Variants in FAR2 observed in about 807,000 individuals in gnomAD.
FAR2 encodes fatty acyl-CoA reductase 2, also known as epididymis secretory protein Li 81.
FAR2 carries 19 observed loss-of-function variants against 56.0 expected under a neutral mutation model. That is an observed-to-expected ratio of 0.34 (90% CI 0.24 to 0.50). FAR2 has a LOEUF of 0.50. FAR2 is among the 20% of genes least tolerant of loss of function. The pLI is 0.98. For synonymous variants in FAR2, 219 were observed against 218.8 expected, an observed-to-expected ratio of 1.00 and a Z score of -0.01; for missense variants, 508 against 642.2, an observed-to-expected ratio of 0.79 and a Z score of 2.26.
intron 2 of FAR2, chr12:29,277,931 T>TG (rs1261909307): frequency 5.7e-5 from 6 of 104,694 alleles, no homozygotes; most frequent in African/African-American, 1.8e-4. Flanking sequence ...ATATTTTCTT[T>TG]CTTTTTTTTT....
At chr12:29,212,843 C>T (rs536782551) in intron 1 of FAR2, among the ~76,000 whole-genome samples, 384 of 152,318 alleles carry the variant, frequency 2.5e-3, no homozygotes, top group African/African-American at 8.8e-3. Flanking sequence ...AATTATCCTG[C>T]TATTAATAGC....
intron 1 of FAR2, among the ~76,000 whole-genome samples, chr12:29,257,658 A>T: frequency 6.7e-6 from 1 of 149,894 alleles, no homozygotes; most frequent in Non-Finnish European, 1.5e-5. Flanking sequence ...GGAATGAACA[A>T]CTCCAGACGC....
Position 29,311,075 on chromosome 12 carries a change from G to T in FAR2, c.816G>T (p.Val272=). ...LRAIKATPMA[V]ADVIPVDTVV... ...CCATAAAAGCTACTCCAATGGCTGT[G>T]GCAGACGTAATTCCAGTTGATACAG... is the stretch of plus-strand genomic sequence containing the variant. Residue 272 remains valine (V), a synonymous_variant, in exon 7 of 12, where the codon GTG becomes GTT. Coordinates refer to ENST00000536681, the MANE Select transcript of FAR2 (RefSeq NM_001271783.2). The T allele has an allele frequency of 6.2e-7, 1 of 1,613,664 alleles. No homozygotes were observed. The highest frequency in any genetic ancestry group is 1.1e-5 in the South Asian group (1 of 91,078).
chr12:29,243,394 C>A (rs918479544), intron 1 of FAR2, among the ~76,000 whole-genome samples: 2 of 152,140 alleles, frequency 1.3e-5, no homozygotes, highest in African/African-American at 4.8e-5. Context: ...GTTTCCTGGG[C>A]AAGTTGCTAC....
At chr12:29,319,094 G>A (rs953156103) in intron 9 of FAR2, among the ~76,000 whole-genome samples, 4 of 151,656 alleles carry the variant, frequency 2.6e-5, no homozygotes, top group South Asian at 2.1e-4. Flanking sequence ...GGGTTCAAGC[G>A]ATTCTCCTGC....
chr12:29,217,894 G>A (rs1191694910), intron 1 of FAR2, among the ~76,000 whole-genome samples: 9 of 151,942 alleles, frequency 5.9e-5, no homozygotes, highest in East Asian at 1.9e-4. Context: ...TATTGCAAAC[G>A]TGTTAAAGAA....
At chr12:29,310,883 C>G (rs1208762956) in intron 6 of FAR2, 145 bp from the exon 7 acceptor site, 4 of 643,642 alleles carry the variant, frequency 6.2e-6, no homozygotes, top group Non-Finnish European at 1.1e-5. Flanking sequence ...GGAAGTCAGA[C>G]TTAGCATAAG....
At chr12:29,232,236 G>A (rs1399717896) in intron 1 of FAR2, among the ~76,000 whole-genome samples, 1 of 152,094 alleles carries the variant, frequency 6.6e-6, no homozygotes, top group Non-Finnish European at 1.5e-5. Flanking sequence ...TGTGCATATC[G>A]TCAGCATCTA....
At chr12:29,238,585 A>C (rs1809305553) in intron 1 of FAR2, among the ~76,000 whole-genome samples, 1 of 152,132 alleles carries the variant, frequency 6.6e-6, no homozygotes, top group African/African-American at 2.4e-5. Context: ...CTGAGACAAA[A>C]TGTTTGGAAA....
intron 5 of FAR2, 177 bp downstream of exon 5, chr12:29,308,012 C>A: frequency 5.1e-6 from 3 of 591,000 alleles, no homozygotes; most frequent in Non-Finnish European, 5.7e-6. Flanking sequence ...ATTTACCCAG[C>A]ATGTGGCTCC....
rs141791049 is a variant in FAR2, at chr12:29,311,403, G to T, written c.887+257G>T. The stretch of plus-strand genomic sequence containing the variant: ...CCATAAAATTCTTGATAACCAAAAG[G>T]CTTTTCTTTCTATTCAGTAGTCTAA... On this transcript the variant is annotated intron_variant, in intron 7 of 11. Transcript: ENST00000536681. Among the ~76,000 whole-genome samples, 922 of 152,006 alleles carry T rather than the reference G, an allele frequency of 6.1e-3. 4 individuals carry two copies. The highest frequency in any genetic ancestry group is 0.027 in the Middle Eastern group (8 of 294).
At chr12:29,162,352 G>A (rs1208112797) in intron 1 of FAR2, among the ~76,000 whole-genome samples, 2 of 152,010 alleles carry the variant, frequency 1.3e-5, no homozygotes, top group South Asian at 2.1e-4. Flanking sequence ...TTTAAATCAC[G>A]GGCACACAGT....
Position 29,332,727 on chromosome 12 carries a change from G to A in FAR2, c.1385G>A (p.Arg462Lys), listed in dbSNP as rs1197407476. ...GIPKAKQRLK[R>K]LRNIHYLFNT... ...CCAAAAGCAAAGCAACGCTTAAAAAGGTAAGTATAATCAGTCAGTTAATAT... is the reference window on the plus strand; with the variant it reads ...CCAAAAGCAAAGCAACGCTTAAAAAAGTAAGTATAATCAGTCAGTTAATAT... Residue 462 changes from arginine (R) to lysine (K), a missense_variant and splice_region_variant, in exon 11 of 12, where the codon AGG becomes AAG. Coordinates refer to ENST00000536681, the MANE Select transcript of FAR2 (RefSeq NM_001271783.2). The A allele has an allele frequency of 1.9e-6, 3 of 1,612,098 alleles. No homozygotes were observed. Among genetic ancestry groups the A allele is most frequent in the Admixed American group, 3.3e-5 (2 of 59,846 alleles).
At chr12:29,329,193 TG>T (rs1331999978) in intron 10 of FAR2, among the ~76,000 whole-genome samples, 2 of 152,230 alleles carry the variant, frequency 1.3e-5, no homozygotes, top group Admixed American at 1.3e-4. Flanking sequence ...GTGTTTGAAA[TG>T]ATGATTAAGC....
chr12:29,331,297 T>C (rs536487703), intron 10 of FAR2: 24 of 151,648 alleles, frequency 1.6e-4, no homozygotes, highest in East Asian at 1.2e-3. Flanking sequence ...GAGTGCCCAA[T>C]TGGAAGGACA....
intron 1 of FAR2, among the ~76,000 whole-genome samples, chr12:29,163,253 A>C (rs1303106405): frequency 3.3e-5 from 5 of 152,230 alleles, no homozygotes; most frequent in Non-Finnish European, 7.3e-5. Context: ...TATTTGTTAA[A>C]TGGGGTTTAT....
chr12:29,234,812 A>C (rs1021559748), intron 1 of FAR2, among the ~76,000 whole-genome samples: 17 of 152,214 alleles, frequency 1.1e-4, no homozygotes, highest in Non-Finnish European at 1.8e-4. Flanking sequence ...CTCCTCAGAA[A>C]ACCATTTCAT....
intron 8 of FAR2, among the ~76,000 whole-genome samples, chr12:29,314,432 CT>C (rs35073792): frequency 0.085 from 12,293 of 143,846 alleles, 740 homozygotes; most frequent in African/African-American, 0.17. Flanking sequence ...CCCTGTAGAT[CT>C]TTTTTTTTTT....
intron 1 of FAR2, among the ~76,000 whole-genome samples, chr12:29,153,169 C>G (rs951612567): frequency 6.6e-6 from 1 of 151,968 alleles, no homozygotes; most frequent in Non-Finnish European, 1.5e-5. Context: ...CAGACATTTA[C>G]AAAATAAACA....
Sources: allele counts gnomAD v4.1 joint callset (sites outside exome capture counted in the v4.1 genomes callset), GRCh38; gene constraint gnomAD v4.1.1; transcripts MANE v1.5; gene names NCBI Gene and HGNC (gene_info 2026-07-23, HGNC 2026-07-21).